The following WDR64 variants were observed in gnomAD, a reference collection of about 807,000 sequenced individuals.
The protein encoded by WDR64 is WD repeat domain 64.
In WDR64, 112 loss-of-function variants were observed where a neutral mutation model predicts 139.3. The ratio of observed to expected loss-of-function variants is 0.80; its 90% CI spans 0.69 to 0.94. The LOEUF is 0.94. Ranked by LOEUF, WDR64 falls within the 40% of genes least tolerant of loss-of-function variation. WDR64 has a pLI of 0.00. For synonymous variants in WDR64, 444 were observed against 437.7 expected, an observed-to-expected ratio of 1.01 and a Z score of -0.18; for missense variants, 1,206 against 1,293.1, an observed-to-expected ratio of 0.93 and a Z score of 1.03.
intron 10 of WDR64, among the ~76,000 whole-genome samples, chr1:241,725,634 C>G (rs1049642307): frequency 6.6e-6 from 1 of 152,126 alleles, no homozygotes; most frequent in Non-Finnish European, 1.5e-5. Context: ...GAGGAAAATG[C>G]ACCCGGCACC....
Position 241,801,316 on chromosome 1 carries a change from C to A in WDR64, c.*101C>A, listed in dbSNP as rs1247910061. 3.9e-6 allele frequency: 4 copies of A among 1,034,870 alleles called. No individual in the cohort carries two copies. The allele number at this position is 1,034,870 out of a possible 1,614,324, so 64.1% of individuals were successfully genotyped here. Reference sequence around the variant, plus strand: ...AGAGGGAGAAACCACCAGACACTATCAGTCATCTCTGGTGTCAGGCCATCC... The same window carrying A: ...AGAGGGAGAAACCACCAGACACTATAAGTCATCTCTGGTGTCAGGCCATCC... On this transcript the variant is annotated 3_prime_UTR_variant, in exon 28 of 28. Coordinates refer to ENST00000437684, the MANE Select transcript of WDR64 (RefSeq NM_001367482.1).
chr1:241,662,367 TGTTGGC>T (rs1665863957), intron 2 of WDR64, among the ~76,000 whole-genome samples: 4 of 152,148 alleles, frequency 2.6e-5, no homozygotes, highest in African/African-American at 9.7e-5. Flanking sequence ...TCATTCAGGT[TGTTGGC>T]AGAATTCAAT....
chr1:241,711,848 T>A lies in WDR64; in HGVS notation c.1021T>A (p.Tyr341Asn), dbSNP rs373654417. The A allele has an allele frequency of 1.1e-5, 18 of 1,614,100 alleles. No individual in the cohort carries two copies. Among genetic ancestry groups the A allele is most frequent in the Non-Finnish European group, 1.4e-5 (16 of 1,180,052 alleles). ...SMPRGANTFC[Y>N]CVKANVIVTG... ...GCCAAGAGGAGCCAACACTTTTTGC[T>A]ACTGTGTTAAGGCAAATGTGATTGT... Residue 341 changes from tyrosine (Y) to asparagine (N), a missense_variant, in exon 9 of 28, where the codon TAC becomes AAC. By Grantham distance (143) the Tyr-to-Asn change is moderately radical (BLOSUM62 -2). Coordinates refer to ENST00000437684, the MANE Select transcript of WDR64 (RefSeq NM_001367482.1).
In WDR64 at chr1:241,757,276, G is replaced by A; in HGVS notation, c.1771-7G>A. ...CTTTTCATGCACTCACTGGATTTCT[G>A]TTAAAGGGTAAGGAAGATGATATCT... On this transcript the variant is annotated splice_region_variant and splice_polypyrimidine_tract_variant and intron_variant, in intron 14 of 27. Coordinates refer to ENST00000437684, the MANE Select transcript of WDR64 (RefSeq NM_001367482.1). 1 of 1,608,004 alleles carries A rather than the reference G, an allele frequency of 6.2e-7. No individual in the cohort carries two copies. The highest frequency in any genetic ancestry group is 1.1e-5 in the South Asian group (1 of 89,540).
intron 8 of WDR64, among the ~76,000 whole-genome samples, chr1:241,696,582 T>C (rs1049744939): frequency 6.6e-6 from 1 of 152,204 alleles, no homozygotes; most frequent in Non-Finnish European, 1.5e-5. Context: ...GAGCAATTCC[T>C]GGAACTGAGG....
chr1:241,782,983 T>G (rs1360465799), intron 22 of WDR64, among the ~76,000 whole-genome samples: 1 of 152,220 alleles, frequency 6.6e-6, no homozygotes, highest in Non-Finnish European at 1.5e-5. Flanking sequence ...CATCTGCTAA[T>G]CATCAATTAA....
intron 22 of WDR64, among the ~76,000 whole-genome samples, chr1:241,782,937 C>T (rs958739819): frequency 2.6e-5 from 4 of 152,158 alleles, no homozygotes; most frequent in Admixed American, 2.6e-4. Context: ...TTCAGTCCCC[C>T]TCCAACCTTC....
At chr1:241,744,051 A>T (rs1669653462) in intron 12 of WDR64, among the ~76,000 whole-genome samples, 1 of 152,152 alleles carries the variant, frequency 6.6e-6, no homozygotes, top group South Asian at 2.1e-4. Flanking sequence ...GAATAAATCC[A>T]GTTCATATTT....
At chr1:241,676,470 C>T (rs1207333122) in intron 4 of WDR64, 2 of 152,102 alleles carry the variant, frequency 1.3e-5, no homozygotes, top group African/African-American at 4.8e-5. Flanking sequence ...GTGCATTATT[C>T]CCCTTCTCTT....
At chr1:241,668,818 T>G (rs1666116397) in intron 2 of WDR64, among the ~76,000 whole-genome samples, 1 of 151,542 alleles carries the variant, frequency 6.6e-6, no homozygotes, top group African/African-American at 2.4e-5. Context: ...GAGAATTGCT[T>G]GAACACAGGA....
chr1:241,662,431 G>A (rs1665866568), intron 2 of WDR64, among the ~76,000 whole-genome samples: 1 of 152,184 alleles, frequency 6.6e-6, no homozygotes, highest in South Asian at 2.1e-4. Context: ...TTGACTGGAG[G>A]CTGCAAGCGT....
intron 17 of WDR64, among the ~76,000 whole-genome samples, chr1:241,769,749 G>C (rs1658349167): frequency 6.6e-6 from 1 of 152,150 alleles, no homozygotes; most frequent in African/African-American, 2.4e-5. Context: ...AGTGCTGTGT[G>C]GTCCCCTCAC....
At chr1:241,717,280 A>T (rs1435880402) in intron 9 of WDR64, among the ~76,000 whole-genome samples, 1 of 152,154 alleles carries the variant, frequency 6.6e-6, no homozygotes, top group East Asian at 1.9e-4. Flanking sequence ...CATAATCATG[A>T]AATTTTAGAG....
At chr1:241,673,296 A>G (rs558787693) in intron 3 of WDR64, among the ~76,000 whole-genome samples, 27 of 152,216 alleles carry the variant, frequency 1.8e-4, no homozygotes, top group South Asian at 6.2e-4. Flanking sequence ...AAACCTGCAC[A>G]TTGTGCACAT....
At chr1:241,679,325 A>C (rs142229979) in intron 5 of WDR64, among the ~76,000 whole-genome samples, 160 bp from the exon 6 acceptor site, 8 of 152,282 alleles carry the variant, frequency 5.3e-5, no homozygotes, top group African/African-American at 1.7e-4. Context: ...AAAAGATGGG[A>C]GCCTGTATCC....
chr1:241,674,265 T>C (rs1666373482), intron 3 of WDR64, among the ~76,000 whole-genome samples: 1 of 143,080 alleles, frequency 7.0e-6, no homozygotes, highest in Non-Finnish European at 1.5e-5. Context: ...TCTTTTCTTT[T>C]TTTTTTTTTT....
intron 8 of WDR64, among the ~76,000 whole-genome samples, chr1:241,704,352 T>A (rs1296702051): frequency 1.3e-5 from 2 of 152,248 alleles, no homozygotes; most frequent in Non-Finnish European, 2.9e-5. Flanking sequence ...AAATGCTGGT[T>A]AATATTATCA....
chr1:241,733,126 GT>G lies in WDR64; in HGVS notation c.1195-5232del, dbSNP rs199915239. 1.7e-3 allele frequency among the ~76,000 whole-genome samples: 266 copies of G among 152,210 alleles called. 1 individual carries two copies. Among genetic ancestry groups the G allele is most frequent in the African/African-American group, 5.4e-3 (225 of 41,554 alleles). ...CACTTAATCAACCTTATAGTTGAAT[GT>G]TTTTCCCATTGTTAAAAAAATCCCT... On this transcript the variant is annotated intron_variant, in intron 10 of 27. Transcript: ENST00000437684.
intron 27 of WDR64, among the ~76,000 whole-genome samples, chr1:241,798,072 C>A (rs1455407577): frequency 6.6e-6 from 1 of 152,048 alleles, no homozygotes; most frequent in Non-Finnish European, 1.5e-5. Flanking sequence ...ACTCCAATAA[C>A]CAGAATTTGA....
Sources: gnomAD v4.1 joint callset for allele counts (sites outside exome capture counted in the v4.1 genomes callset) on GRCh38, gnomAD v4.1.1 for gene constraint, MANE v1.5 for transcripts, NCBI Gene and HGNC (gene_info 2026-07-23, HGNC 2026-07-21) for gene names.